The following SLC35F1 variants were observed in gnomAD, a reference collection of about 807,000 sequenced individuals.
The protein encoded by SLC35F1 is chromosome 6 open reading frame 169.
In SLC35F1, 14 loss-of-function variants were observed where a neutral mutation model predicts 48.7. The ratio of observed to expected loss-of-function variants is 0.29; its 90% confidence interval spans 0.19 to 0.45. SLC35F1 has a LOEUF of 0.45. SLC35F1 is among the 20% of genes least tolerant of loss of function. SLC35F1 has a pLI of 1.00. For synonymous variants in SLC35F1, 190 were observed against 202.2 expected (o/e 0.94, Z 0.51); for missense variants, 404 against 500.0 (o/e 0.81, Z 1.83).
intron 1 of SLC35F1, among the ~76,000 whole-genome samples, chr6:118,101,093 T>C (rs1292914892): frequency 6.6e-6 from 1 of 151,670 alleles, no homozygotes; most frequent in African/African-American, 2.4e-5. Flanking sequence ...ATCTTTTAGG[T>C]CAGCAGCTCT....
At chr6:118,074,170 T>C (rs1772783983) in intron 1 of SLC35F1, among the ~76,000 whole-genome samples, 1 of 152,224 alleles carries the variant, frequency 6.6e-6, no homozygotes. Flanking sequence ...AGATTATTAG[T>C]GCATCCCTTC....
At chr6:118,130,941 A>G (rs1773700991) in intron 1 of SLC35F1, among the ~76,000 whole-genome samples, 1 of 152,230 alleles carries the variant, frequency 6.6e-6, no homozygotes, top group Non-Finnish European at 1.5e-5. Flanking sequence ...TTTTCATGCA[A>G]TTACTTCAGA....
chr6:118,036,344 A>G (rs551715457), intron 1 of SLC35F1, among the ~76,000 whole-genome samples: 1 of 152,182 alleles, frequency 6.6e-6, no homozygotes, highest in Non-Finnish European at 1.5e-5. Context: ...TCTCAATACT[A>G]TTGATTTCTA....
intron 1 of SLC35F1, among the ~76,000 whole-genome samples, chr6:117,911,182 T>G (rs1338720922): frequency 6.6e-6 from 1 of 152,138 alleles, no homozygotes; most frequent in Non-Finnish European, 1.5e-5. Flanking sequence ...GAGGAGGCAC[T>G]AGATAATTTT....
At chr6:118,145,316 G>A (rs1197111667) in intron 1 of SLC35F1, among the ~76,000 whole-genome samples, 4 of 152,188 alleles carry the variant, frequency 2.6e-5, no homozygotes, top group Admixed American at 2.6e-4. Context: ...ACCAGAAGGG[G>A]CTTTTCCTAA....
chr6:118,306,781 T>G (rs887067243), intron 7 of SLC35F1, among the ~76,000 whole-genome samples: 10 of 152,236 alleles, frequency 6.6e-5, no homozygotes, highest in African/African-American at 2.4e-4. Flanking sequence ...AACAAGGATT[T>G]CTATCAGTTC....
At chr6:118,278,449 A>T (rs1360320363) in intron 6 of SLC35F1, among the ~76,000 whole-genome samples, 4 of 152,196 alleles carry the variant, frequency 2.6e-5, no homozygotes, top group Non-Finnish European at 4.4e-5. Context: ...ACTCCCGTGC[A>T]TCACTTTACC....
At chr6:118,209,555 A>G (rs899766957) in intron 2 of SLC35F1, among the ~76,000 whole-genome samples, 2 of 152,204 alleles carry the variant, frequency 1.3e-5, no homozygotes, top group South Asian at 2.1e-4. Context: ...ATGTAAGGAA[A>G]CATACCTCTG....
intron 1 of SLC35F1, among the ~76,000 whole-genome samples, chr6:118,108,862 G>A (rs1345010608): frequency 6.6e-6 from 1 of 152,040 alleles, no homozygotes; most frequent in Non-Finnish European, 1.5e-5. Context: ...CTCACACTGG[G>A]AAAATTAAAC....
intron 1 of SLC35F1, among the ~76,000 whole-genome samples, chr6:118,080,907 A>G (rs2114320137): frequency 6.6e-6 from 1 of 152,306 alleles, no homozygotes; most frequent in South Asian, 2.1e-4. Context: ...ACTTTTTTCC[A>G]CTGGTGTTGA....
intron 2 of SLC35F1, among the ~76,000 whole-genome samples, chr6:118,215,263 G>T (rs930663410): frequency 6.6e-6 from 1 of 152,164 alleles, no homozygotes; most frequent in Non-Finnish European, 1.5e-5. Flanking sequence ...AGATGAAACA[G>T]AAGAGATCTG....
At chr6:117,978,225 G>T (rs917658049) in intron 1 of SLC35F1, among the ~76,000 whole-genome samples, 1 of 151,986 alleles carries the variant, frequency 6.6e-6, no homozygotes, top group African/African-American at 2.4e-5. Context: ...AGAAATAAGG[G>T]CCTATTTTCT....
intron 1 of SLC35F1, among the ~76,000 whole-genome samples, chr6:117,923,854 A>G (rs971782971): frequency 2.8e-5 from 3 of 108,012 alleles, no homozygotes; most frequent in African/African-American, 4.7e-5. Context: ...ATATGCACAT[A>G]TATATGTGTG....
chr6:117,923,124 C>T (rs1401105627), intron 1 of SLC35F1, among the ~76,000 whole-genome samples: 1 of 152,148 alleles, frequency 6.6e-6, no homozygotes, highest in African/African-American at 2.4e-5. Context: ...TACATGGTTT[C>T]TAAATCCCTG....
At chr6:118,100,581 T>A (rs1250743161) in intron 1 of SLC35F1, among the ~76,000 whole-genome samples, 1 of 152,200 alleles carries the variant, frequency 6.6e-6, no homozygotes, top group African/African-American at 2.4e-5. Flanking sequence ...TGGCAAAGTC[T>A]AGGGGGGTTT....
chr6:118,140,238 G>A (rs574241012), intron 1 of SLC35F1, among the ~76,000 whole-genome samples: 4 of 152,296 alleles, frequency 2.6e-5, no homozygotes, highest in South Asian at 2.1e-4. Context: ...AGGAAGTTGC[G>A]TCTTGGTTCA....
At chr6:117,909,235 G>A (rs1775734105) in intron 1 of SLC35F1, among the ~76,000 whole-genome samples, 1 of 152,130 alleles carries the variant, frequency 6.6e-6, no homozygotes. Context: ...AATAAAGCAA[G>A]AAGACGCTGG....
intron 1 of SLC35F1, among the ~76,000 whole-genome samples, chr6:117,924,485 CGTATATACAT>C (rs1562239522): frequency 2.1e-5 from 3 of 144,098 alleles, no homozygotes; most frequent in Non-Finnish European, 4.6e-5. Flanking sequence ...TATGTATATA[CGTATATACAT>C]ATGTATATAC....
chr6:118,075,840 T>A (rs1343335214), intron 1 of SLC35F1, among the ~76,000 whole-genome samples: 1 of 152,238 alleles, frequency 6.6e-6, no homozygotes, highest in East Asian at 1.9e-4. Flanking sequence ...TTGAATCAGA[T>A]GTTTTTCCTT....
Sources: allele counts gnomAD v4.1 joint callset (sites outside exome capture counted in the v4.1 genomes callset), GRCh38; gene constraint gnomAD v4.1.1; transcripts MANE v1.5; gene names NCBI Gene and HGNC (gene_info 2026-07-23, HGNC 2026-07-21).